The following POR variants were observed in gnomAD, a reference collection of about 807,000 sequenced individuals.
The protein encoded by POR is cytochrome p450 oxidoreductase.
Under a neutral mutation model 84.0 loss-of-function variants are expected in POR, and 56 were observed. The ratio of observed to expected loss-of-function variants is 0.67; its 90% CI spans 0.54 to 0.83. The LOEUF (loss-of-function observed/expected upper bound fraction) is 0.83. Among genes scored for constraint, POR ranks in the 40% least tolerant of loss-of-function variants. POR has a pLI of 0.00. For synonymous variants in POR, 414 were observed against 400.5 expected, an observed-to-expected ratio of 1.03 and a Z score of -0.40; for missense variants, 938 against 944.3, an observed-to-expected ratio of 0.99 and a Z score of 0.09.
At chr7:75,982,828 C>T (rs530967029) in intron 8 of POR, among the ~76,000 whole-genome samples, 8 of 152,306 alleles carry the variant, frequency 5.3e-5, no homozygotes, top group Non-Finnish European at 1.0e-4. Flanking sequence ...CCCTGCATGT[C>T]GGTGGCTTTC....
rs1201994262 is a variant in POR, at chr7:75,917,854, C to T, written c.-5+2675C>T. Among the ~76,000 whole-genome samples the T allele has an allele frequency of 7.2e-5, 11 of 152,272 alleles. No individual in the cohort carries two copies. The South Asian group carries it at 2.3e-3, about 32-fold the overall frequency. ...ACACAGCCTCCCAGGTGGCTACAGCCTTAAAAGACTTTCAAATGCCAATTC... is the reference window on the plus strand; with the variant it reads ...ACACAGCCTCCCAGGTGGCTACAGCTTTAAAAGACTTTCAAATGCCAATTC... On this transcript the variant is annotated intron_variant, in intron 1 of 15. Transcript: ENST00000461988.
At chr7:75,927,670 ATTT>A (rs36041813) in intron 1 of POR, among the ~76,000 whole-genome samples, 1 of 135,200 alleles carries the variant, frequency 7.4e-6, no homozygotes, top group Admixed American at 7.5e-5. Flanking sequence ...TTCTGTCTCA[ATTT>A]TTTTTTTTTT....
chr7:75,972,388 C>G, intron 2 of POR, 25 bp from the exon 3 acceptor site: 2 of 1,604,266 alleles, frequency 1.2e-6, no homozygotes, highest in Non-Finnish European at 8.5e-7. Context: ...GCCTCCCACG[C>G]TCATTGCACA....
intron 3 of POR, among the ~76,000 whole-genome samples, chr7:75,978,473 C>A (rs1554557145): frequency 6.6e-6 from 1 of 152,144 alleles, no homozygotes; most frequent in Non-Finnish European, 1.5e-5. Context: ...GTAGGCTACA[C>A]ACAAATACCA....
Position 75,975,763 on chromosome 7 carries a change from T to C in POR, c.237+3302T>C, listed in dbSNP as rs537168578. Among the ~76,000 whole-genome samples the C allele has an allele frequency of 1.3e-4, 20 of 152,070 alleles. 1 individual carries two copies. In the South Asian group the frequency reaches 2.3e-3, roughly 17 times the overall value. On this transcript the variant is annotated intron_variant, in intron 3 of 15. Coordinates refer to ENST00000461988, the MANE Select transcript of POR (RefSeq NM_000941.3). ...GTTTTAATATATGGATTCTTACTTATTTTTCCGTGACTTTTAGGATCAATT... is the reference window on the plus strand; with the variant it reads ...GTTTTAATATATGGATTCTTACTTACTTTTCCGTGACTTTTAGGATCAATT...
At chr7:75,978,077 A>C (rs1438947737) in intron 3 of POR, among the ~76,000 whole-genome samples, 1 of 152,184 alleles carries the variant, frequency 6.6e-6, no homozygotes, top group Admixed American at 6.5e-5. Context: ...TTTATAATGA[A>C]TATGTATTTA....
Position 75,986,666 on chromosome 7 carries a change from T to C in POR, c.*185T>C, listed in dbSNP as rs995582662. On this transcript the variant is annotated 3_prime_UTR_variant, in exon 16 of 16. Coordinates refer to ENST00000461988, the MANE Select transcript of POR (RefSeq NM_000941.3). ...AGGCCAGGTGAGGTCCACCGGCCCC[T>C]GGCAGCACAGCCCAGGGCCTGCATG... 5.5e-6 allele frequency: 4 copies of C among 729,390 alleles called. No homozygotes were observed. The highest frequency in any genetic ancestry group is 3.9e-4 in the Middle Eastern group (1 of 2,546). The allele number at this position is 729,390 out of a possible 1,614,324, so 45.2% of individuals were successfully genotyped here.
chr7:75,956,332 A>G (rs1371093438), intron 2 of POR, among the ~76,000 whole-genome samples: 1 of 152,150 alleles, frequency 6.6e-6, no homozygotes, highest in Non-Finnish European at 1.5e-5. Flanking sequence ...GTTCAATCTT[A>G]TCTCCATCAT....
At chr7:75,966,625 G>A (rs1788193783) in intron 2 of POR, among the ~76,000 whole-genome samples, 2 of 152,190 alleles carry the variant, frequency 1.3e-5, no homozygotes, top group South Asian at 4.1e-4. Flanking sequence ...CTAAGGGCAG[G>A]GGACAGTCTC....
chr7:75,981,657 G>A (rs1053098907), intron 7 of POR, 51 bp downstream of exon 7: 35 of 1,480,276 alleles, frequency 2.4e-5, no homozygotes, highest in African/African-American at 5.6e-5. Context: ...GTCCTGTGCC[G>A]AGGGCAGCCA....
chr7:75,920,810 T>C (rs1337061009), intron 1 of POR, among the ~76,000 whole-genome samples: 4 of 152,156 alleles, frequency 2.6e-5, no homozygotes, highest in Admixed American at 2.6e-4. Flanking sequence ...ATAGGTCACC[T>C]GGGTTGAGTT....
intron 3 of POR, among the ~76,000 whole-genome samples, chr7:75,975,775 T>G (rs1189637973): frequency 2.6e-5 from 4 of 151,746 alleles, no homozygotes; most frequent in African/African-American, 9.7e-5. Context: ...TTTCCGTGAC[T>G]TTTAGGATCA....
chr7:75,938,445 C>T (rs1177895108), intron 1 of POR, among the ~76,000 whole-genome samples: 3 of 152,196 alleles, frequency 2.0e-5, no homozygotes, highest in Non-Finnish European at 4.4e-5. Context: ...CCCTTACGCA[C>T]TCATCTGGGT....
At chr7:75,921,850 G>T (rs1193601843) in intron 1 of POR, among the ~76,000 whole-genome samples, 1 of 151,864 alleles carries the variant, frequency 6.6e-6, no homozygotes, top group African/African-American at 2.4e-5. Flanking sequence ...GGCACTACAG[G>T]CACGTGCCTC....
At chr7:75,938,614 G>A (rs1365058080) in intron 1 of POR, among the ~76,000 whole-genome samples, 6 of 152,118 alleles carry the variant, frequency 3.9e-5, no homozygotes, top group African/African-American at 1.2e-4. Context: ...TAAAAAATCA[G>A]CTGGTATGGT....
intron 1 of POR, among the ~76,000 whole-genome samples, chr7:75,939,367 G>A (rs1807851439): frequency 6.6e-6 from 1 of 152,142 alleles, no homozygotes; most frequent in Non-Finnish European, 1.5e-5. Flanking sequence ...CGGGTTCCAG[G>A]CCTGCTTTGG....
chr7:75,962,526 C>A (rs1321008754), intron 2 of POR, among the ~76,000 whole-genome samples: 1 of 152,274 alleles, frequency 6.6e-6, no homozygotes, highest in Admixed American at 6.5e-5. Context: ...CTTGTTCGAA[C>A]GTCTGAGTTC....
At chr7:75,969,781 C>A (rs1486932345) in intron 2 of POR, among the ~76,000 whole-genome samples, 1 of 152,152 alleles carries the variant, frequency 6.6e-6, no homozygotes, top group Non-Finnish European at 1.5e-5. Flanking sequence ...GGCTGGCCAC[C>A]CTAGGAGGAG....
chr7:75,955,109 CGGGAT>C (rs1787629431), intron 2 of POR, among the ~76,000 whole-genome samples: 1 of 152,094 alleles, frequency 6.6e-6, no homozygotes, highest in Non-Finnish European at 1.5e-5. Context: ...CCCAGAGTGT[CGGGAT>C]TACAGGCGTG....
Sources: allele counts gnomAD v4.1 joint callset (sites outside exome capture counted in the v4.1 genomes callset), GRCh38; gene constraint gnomAD v4.1.1; transcripts MANE v1.5; gene names NCBI Gene and HGNC (gene_info 2026-07-23, HGNC 2026-07-21).